Variants in PHACTR1 observed in about 807,000 individuals in gnomAD.
The protein encoded by PHACTR1 is RPEL repeat containing 1.
Under a neutral mutation model 69.2 loss-of-function variants are expected in PHACTR1, and 16 were observed. That is an observed-to-expected ratio of 0.23 (90% CI 0.16 to 0.35). The LOEUF is 0.35. Ranked by LOEUF, PHACTR1 falls within the 10% of genes least tolerant of loss-of-function variation. The pLI, the probability that PHACTR1 is intolerant of heterozygous loss-of-function variation, is 1.00. For synonymous variants in PHACTR1, 312 were observed against 284.5 expected (o/e 1.10, Z -0.97); for missense variants, 510 against 734.7 (o/e 0.69, Z 3.54).
Position 13,195,779 on chromosome 6 carries a change from A to AAAAAAAAAAAAAAAAG in PHACTR1, c.665-10035_665-10034insAAAAAAAAAAAAAAGA, listed in dbSNP as rs201554952. 3.4e-4 allele frequency among the ~76,000 whole-genome samples: 40 copies of AAAAAAAAAAAAAAAAG among 118,578 alleles called. 1 individual carries two copies. Among genetic ancestry groups the AAAAAAAAAAAAAAAAG allele is most frequent in the Non-Finnish European group, 4.6e-4 (26 of 56,698 alleles). 77.8% of individuals were successfully genotyped at this position (118,578 alleles called of 152,430 possible). A position where few individuals can be genotyped will look rare whatever the true frequency, so the allele number is the denominator to read the frequency against. On this transcript the variant is annotated intron_variant, in intron 7 of 14. Coordinates refer to ENST00000332995, the MANE Select transcript of PHACTR1 (RefSeq NM_030948.6). ...TCTCAAAAAAAAAAAAAAAAAAAAA[A>AAAAAAAAAAAAAAAAG]AGTTCATTTGTGGTGGTAAGAAGAG...
intron 4 of PHACTR1, among the ~76,000 whole-genome samples, chr6:13,021,368 ATGGC>A (rs915138180): frequency 1.3e-5 from 2 of 152,188 alleles, no homozygotes; most frequent in Non-Finnish European, 2.9e-5. Context: ...ATTGCTTTTT[ATGGC>A]TGAGTAATAT....
At chr6:13,118,992 A>C (rs914714052) in intron 5 of PHACTR1, among the ~76,000 whole-genome samples, 4 of 152,258 alleles carry the variant, frequency 2.6e-5, no homozygotes, top group Non-Finnish European at 5.9e-5. Context: ...GTCAAAAAGC[A>C]CCTAGCACAT....
chr6:12,950,551 G>A (rs1340555978), intron 4 of PHACTR1, among the ~76,000 whole-genome samples: 3 of 152,206 alleles, frequency 2.0e-5, no homozygotes, highest in Non-Finnish European at 2.9e-5. Context: ...TCCGGGAGAA[G>A]GGAGGAGGAG....
intron 4 of PHACTR1, among the ~76,000 whole-genome samples, chr6:12,828,344 T>TA (rs905077624): frequency 2.0e-5 from 3 of 152,310 alleles, no homozygotes; most frequent in African/African-American, 7.2e-5. Flanking sequence ...GTATTCAGTA[T>TA]AAAAAACTGC....
At chr6:12,994,862 TTAAC>T (rs1797239241) in intron 4 of PHACTR1, among the ~76,000 whole-genome samples, 1 of 152,170 alleles carries the variant, frequency 6.6e-6, no homozygotes, top group Admixed American at 6.6e-5. Flanking sequence ...ATTTAAATTT[TTAAC>T]TACTTACATA....
At chr6:12,874,876 T>C (rs1782386258) in intron 4 of PHACTR1, among the ~76,000 whole-genome samples, 1 of 152,220 alleles carries the variant, frequency 6.6e-6, no homozygotes, top group Non-Finnish European at 1.5e-5. Context: ...ATTTTGAAGG[T>C]TGGAGTTGGG....
chr6:12,960,808 T>C lies in PHACTR1; in HGVS notation c.251-92557T>C, dbSNP rs1401152072. ...CAGATGGGCTATAGTGATCCATGAC[T>C]ATACAATTCCAAGCCTCCACTAGGG... On this transcript the variant is annotated intron_variant, in intron 4 of 14. Transcript: ENST00000332995. 3.9e-5 allele frequency among the ~76,000 whole-genome samples: 6 copies of C among 152,356 alleles called. No individual in the cohort carries two copies. The East Asian group carries it at 1.2e-3, about 29-fold the overall frequency.
intron 12 of PHACTR1, chr6:13,281,209 T>A: frequency 2.6e-6 from 3 of 1,133,058 alleles, no homozygotes; most frequent in African/African-American, 3.2e-5. Flanking sequence ...GGAAGAGAAA[T>A]TTGAAAGTCA....
intron 5 of PHACTR1, among the ~76,000 whole-genome samples, chr6:13,054,181 T>C (rs1379866876): frequency 6.6e-6 from 1 of 152,238 alleles, no homozygotes; most frequent in Non-Finnish European, 1.5e-5. Flanking sequence ...AGTTTATTAA[T>C]GCTGTGCCTC....
intron 4 of PHACTR1, among the ~76,000 whole-genome samples, chr6:13,006,229 G>A (rs528197324): frequency 9.2e-5 from 14 of 152,270 alleles, no homozygotes; most frequent in Non-Finnish European, 1.6e-4. Flanking sequence ...AGCGATGCTC[G>A]GCATGGCAGC....
intron 4 of PHACTR1, among the ~76,000 whole-genome samples, chr6:12,756,964 C>A (rs751345358): frequency 6.6e-6 from 1 of 152,086 alleles, no homozygotes; most frequent in Non-Finnish European, 1.5e-5. Flanking sequence ...CATCAGTGAT[C>A]AAAACAAATA....
At chr6:12,997,684 G>A (rs901746457) in intron 4 of PHACTR1, among the ~76,000 whole-genome samples, 2 of 152,134 alleles carry the variant, frequency 1.3e-5, no homozygotes, top group Admixed American at 6.5e-5. Flanking sequence ...GCCAGGAACG[G>A]TGGCTCACGC....
At chr6:13,074,497 C>T (rs1022437171) in intron 5 of PHACTR1, among the ~76,000 whole-genome samples, 3 of 152,152 alleles carry the variant, frequency 2.0e-5, no homozygotes, top group Non-Finnish European at 4.4e-5. Flanking sequence ...TTACCCTTGA[C>T]CTTGTAATTC....
At chr6:12,906,084 A>G (rs1785695630) in intron 4 of PHACTR1, among the ~76,000 whole-genome samples, 1 of 152,206 alleles carries the variant, frequency 6.6e-6, no homozygotes, top group Non-Finnish European at 1.5e-5. Flanking sequence ...TATATATGAG[A>G]TAGTCAGATT....
At chr6:12,967,877 C>A (rs1439909468) in intron 4 of PHACTR1, among the ~76,000 whole-genome samples, 1 of 152,164 alleles carries the variant, frequency 6.6e-6, no homozygotes, top group Non-Finnish European at 1.5e-5. Flanking sequence ...TAGTTTTGTC[C>A]AAGAAAGCTT....
At position 13,245,988 on chromosome 6, in the gene PHACTR1, C is replaced by G. The variant is rs962229045; in HGVS notation, c.1391+15795C>G. On this transcript the variant is annotated intron_variant, in intron 10 of 14. Coordinates refer to ENST00000332995, the MANE Select transcript of PHACTR1 (RefSeq NM_030948.6). The surrounding 1 kb of genome is among the most constrained non-coding windows in gnomAD (Gnocchi z 4.1). ...AAATGGACATTTACTATCACTGCATCTAGCCTTAATTTTACAGGTAAATGG... is the reference window on the plus strand; with the variant it reads ...AAATGGACATTTACTATCACTGCATGTAGCCTTAATTTTACAGGTAAATGG... 6.6e-6 allele frequency among the ~76,000 whole-genome samples: 1 copy of G among 152,202 alleles called. No individual in the cohort carries two copies. The highest frequency in any genetic ancestry group is 2.4e-5 in the African/African-American group (1 of 41,442).
chr6:13,108,845 C>T (rs1816572024), intron 5 of PHACTR1, among the ~76,000 whole-genome samples: 1 of 152,004 alleles, frequency 6.6e-6, no homozygotes, highest in Non-Finnish European at 1.5e-5. Context: ...ATTCTTGCTA[C>T]TTATTTTCCA....
intron 4 of PHACTR1, among the ~76,000 whole-genome samples, chr6:12,820,057 T>G (rs1160937722): frequency 1.3e-5 from 2 of 152,172 alleles, no homozygotes; most frequent in Non-Finnish European, 2.9e-5. Flanking sequence ...ACTGAGAACT[T>G]AACGATTTGG....
chr6:13,190,023 CTTT>C (rs56040224), intron 7 of PHACTR1, among the ~76,000 whole-genome samples: 1 of 123,836 alleles, frequency 8.1e-6, no homozygotes. Context: ...ATCTCTTCTG[CTTT>C]TTTTTTTTTT....
Sources: gnomAD v4.1 joint callset for allele counts (sites outside exome capture counted in the v4.1 genomes callset) on GRCh38, gnomAD v4.1.1 for gene constraint, Gnocchi (gnomAD v3.1) non-coding constraint, MANE v1.5 for transcripts, NCBI Gene and HGNC (gene_info 2026-07-23, HGNC 2026-07-21) for gene names.